LINGO2: variants seen among roughly 807,000 people sequenced by gnomAD.
The protein encoded by LINGO2 is leucine-rich repeat and immunoglobulin-like domain-containing nogo receptor-interacting protein 2.
LINGO2 carries 14 observed loss-of-function variants against 30.6 expected under a neutral mutation model. The ratio of observed to expected loss-of-function variants is 0.46; its 90% CI spans 0.30 to 0.72. The LOEUF is 0.72. Ranked by LOEUF, LINGO2 falls within the 30% of genes least tolerant of loss-of-function variation. LINGO2 has a pLI of 0.07. For synonymous variants in LINGO2, 317 were observed against 288.5 expected (o/e 1.10, Z -1.00); for missense variants, 729 against 751.7 (o/e 0.97, Z 0.35).
chr9:27,969,388 A>G (rs1048889324), intron 5 of LINGO2, among the ~76,000 whole-genome samples: 4 of 152,160 alleles, frequency 2.6e-5, no homozygotes, highest in African/African-American at 7.2e-5. Flanking sequence ...ATGTGTGGCC[A>G]GAAAAAAAGA....
intron 5 of LINGO2, among the ~76,000 whole-genome samples, chr9:27,951,205 AC>A (rs1214539669): frequency 6.6e-6 from 1 of 152,226 alleles, no homozygotes; most frequent in Admixed American, 6.5e-5. Flanking sequence ...GGTGCAACAT[AC>A]AAAACAAACT....
At chr9:28,674,533 T>C (rs952855674), upstream of LINGO2, among the ~76,000 whole-genome samples, 4 of 152,068 alleles carry the variant, frequency 2.6e-5, no homozygotes, top group African/African-American at 9.7e-5. Flanking sequence ...AATAAAAAGG[T>C]ACACATTTTT....
chr9:28,880,300 G>T, the LINGO2 span, among the ~76,000 whole-genome samples: 325 of 152,266 alleles, frequency 2.1e-3, 3 homozygotes, highest in African/African-American at 7.4e-3. Context: ...GTACCTTAAA[G>T]AATTGCTTTG....
chr9:28,590,406 T>C (rs1337817676), intron 1 of LINGO2, among the ~76,000 whole-genome samples: 6 of 152,168 alleles, frequency 3.9e-5, no homozygotes, highest in Middle Eastern at 3.4e-3. Flanking sequence ...AACCTATTCA[T>C]CTGACGAAGG....
chr9:28,239,958 A>T (rs2133968606), intron 4 of LINGO2, among the ~76,000 whole-genome samples: 1 of 152,332 alleles, frequency 6.6e-6, no homozygotes, highest in East Asian at 1.9e-4. Flanking sequence ...AAATCGTCAT[A>T]TAAAAATTAG....
chr9:28,358,585 G>T (rs978526442), intron 3 of LINGO2, among the ~76,000 whole-genome samples: 2 of 152,120 alleles, frequency 1.3e-5, no homozygotes, highest in African/African-American at 4.8e-5. Context: ...GGGAAGAAAA[G>T]AGTTGAGCCC....
At chr9:28,608,642 C>G (rs1409715640) in intron 1 of LINGO2, among the ~76,000 whole-genome samples, 4 of 151,796 alleles carry the variant, frequency 2.6e-5, no homozygotes, top group African/African-American at 7.2e-5. Context: ...ATTAAAAGAT[C>G]TAGTATTATT....
intron 4 of LINGO2, among the ~76,000 whole-genome samples, chr9:28,231,272 T>C (rs1236914870): frequency 6.6e-6 from 1 of 151,998 alleles, no homozygotes; most frequent in Admixed American, 6.6e-5. Context: ...TCATAATATA[T>C]GCCTAAATCA....
chr9:29,067,322 AGAATGTG>A, the LINGO2 span, among the ~76,000 whole-genome samples: 1 of 151,806 alleles, frequency 6.6e-6, no homozygotes, highest in African/African-American at 2.4e-5. Context: ...CTGCAAGAGA[AGAATGTG>A]GAAAATTCTA....
the LINGO2 span, among the ~76,000 whole-genome samples, chr9:28,763,494 A>T: frequency 0.071 from 10,798 of 151,940 alleles, 1,356 homozygotes; most frequent in African/African-American, 0.24. Flanking sequence ...AGACAAACAA[A>T]CATTCATGTA....
At chr9:28,012,568 G>A (rs148438775) in intron 4 of LINGO2, among the ~76,000 whole-genome samples, 3 of 152,086 alleles carry the variant, frequency 2.0e-5, no homozygotes, top group East Asian at 1.9e-4. Flanking sequence ...CTGACTTTTT[G>A]TTCCTCCAAC....
At chr9:29,126,931 A>G in the LINGO2 span, among the ~76,000 whole-genome samples, 1 of 152,062 alleles carries the variant, frequency 6.6e-6, no homozygotes, top group Non-Finnish European at 1.5e-5. Context: ...TTTTCTGTGT[A>G]GCAGATGAAA....
intron 4 of LINGO2, among the ~76,000 whole-genome samples, chr9:28,145,916 C>A (rs1460323916): frequency 6.6e-6 from 1 of 152,180 alleles, no homozygotes; most frequent in Non-Finnish European, 1.5e-5. Flanking sequence ...CTTCCCCAGG[C>A]TACCCAGGCC....
intron 2 of LINGO2, among the ~76,000 whole-genome samples, chr9:28,451,821 G>A (rs764095203): frequency 4.0e-5 from 6 of 151,420 alleles, no homozygotes; most frequent in African/African-American, 1.5e-4. Context: ...AAATATAGTT[G>A]AAATAATTGT....
chr9:28,332,529 T>A (rs1218724478), intron 3 of LINGO2, among the ~76,000 whole-genome samples: 1 of 151,338 alleles, frequency 6.6e-6, no homozygotes, highest in Non-Finnish European at 1.5e-5. Flanking sequence ...CATCCTAGGG[T>A]GGTACTATCT....
At chr9:28,525,159 T>C (rs1049229155) in intron 1 of LINGO2, among the ~76,000 whole-genome samples, 1 of 152,174 alleles carries the variant, frequency 6.6e-6, no homozygotes, top group African/African-American at 2.4e-5. Context: ...TGCAGTGAGA[T>C]AACACTTCAC....
the LINGO2 span, among the ~76,000 whole-genome samples, chr9:28,834,943 T>C: frequency 6.6e-6 from 1 of 152,188 alleles, no homozygotes; most frequent in Non-Finnish European, 1.5e-5. Flanking sequence ...CTTCATACAA[T>C]CCCTAGTAAA....
chr9:28,467,437 C>T (rs1825360669), intron 2 of LINGO2, among the ~76,000 whole-genome samples: 3 of 152,090 alleles, frequency 2.0e-5, no homozygotes, highest in South Asian at 4.1e-4. Context: ...TTCTGCTTTC[C>T]CTATGATGAA....
At chr9:28,174,237 C>G (rs1828681103) in intron 4 of LINGO2, among the ~76,000 whole-genome samples, 1 of 152,158 alleles carries the variant, frequency 6.6e-6, no homozygotes, top group Non-Finnish European at 1.5e-5. Flanking sequence ...GAATTATAAG[C>G]TTCTATTTCT....
Sources: gnomAD v4.1 joint callset for allele counts (sites outside exome capture counted in the v4.1 genomes callset) on GRCh38, gnomAD v4.1.1 for gene constraint, MANE v1.5 for transcripts, NCBI Gene and HGNC (gene_info 2026-07-23, HGNC 2026-07-21) for gene names.